Variants in ZBTB2 observed in about 807,000 individuals in gnomAD.
The protein encoded by ZBTB2 is zinc finger and BTB domain containing 2.
A neutral mutation model predicts 39.5 loss-of-function variants in ZBTB2; 2 were observed. The ratio of observed to expected loss-of-function variants is 0.05; its 90% CI spans 0.02 to 0.16. The LOEUF is 0.16. Ranked by LOEUF, ZBTB2 falls within the 10% of genes least tolerant of loss-of-function variation. The probability of loss-of-function intolerance (pLI) is 1.00; values close to 1 mark genes in which losing one functional copy is unlikely to be tolerated. For missense variants in ZBTB2, 391 were observed against 653.0 expected, an observed-to-expected ratio of 0.60 and a Z score of 4.37; for synonymous variants, 251 against 256.6, an observed-to-expected ratio of 0.98 and a Z score of 0.21.
intron 1 of ZBTB2, among the ~76,000 whole-genome samples, chr6:151,384,583 T>C (rs1023034341): frequency 2.3e-4 from 35 of 152,290 alleles, no homozygotes; most frequent in African/African-American, 8.2e-4. Flanking sequence ...GATGACTTCC[T>C]AGACTTCTTA....
intron 1 of ZBTB2, among the ~76,000 whole-genome samples, chr6:151,375,405 G>A (rs891814930): frequency 6.6e-6 from 1 of 152,132 alleles, no homozygotes; most frequent in Admixed American, 6.5e-5. Context: ...TTATGGACAG[G>A]AAGACTCAAC....
At chr6:151,384,102 C>G (rs1779101046) in intron 1 of ZBTB2, among the ~76,000 whole-genome samples, 2 of 152,252 alleles carry the variant, frequency 1.3e-5, no homozygotes, top group South Asian at 4.1e-4. Flanking sequence ...TTAACACCTG[C>G]TGTTTTGGAA....
intron 1 of ZBTB2, among the ~76,000 whole-genome samples, chr6:151,377,071 GC>G (rs2114867088): frequency 6.6e-6 from 1 of 150,458 alleles, no homozygotes; most frequent in South Asian, 2.1e-4. Context: ...AGTGAAAAAA[GC>G]CAATCCCAAA....
intron 1 of ZBTB2, among the ~76,000 whole-genome samples, chr6:151,377,733 ATGT>A (rs375024702): frequency 1.6e-3 from 238 of 151,578 alleles, no homozygotes; most frequent in African/African-American, 3.3e-3. Context: ...GGGTTTCACC[ATGT>A]TGTTAGCCAG....
chr6:151,384,482 T>C (rs943302724), intron 1 of ZBTB2, among the ~76,000 whole-genome samples: 6 of 152,038 alleles, frequency 3.9e-5, no homozygotes, highest in African/African-American at 9.7e-5. Flanking sequence ...ATGGAGGAAA[T>C]TGACAGGATT....
At chr6:151,379,150 A>G (rs1778979000) in intron 1 of ZBTB2, among the ~76,000 whole-genome samples, 1 of 152,242 alleles carries the variant, frequency 6.6e-6, no homozygotes, top group Admixed American at 6.5e-5. Context: ...AGATTTTTCT[A>G]TCCACCTCTA....
At chr6:151,382,708 ACCATG>A (rs1297825088) in intron 1 of ZBTB2, among the ~76,000 whole-genome samples, 1 of 151,528 alleles carries the variant, frequency 6.6e-6, no homozygotes, top group African/African-American at 2.4e-5. Context: ...GGCGCCTGCC[ACCATG>A]CCCAGCTAAT....
chr6:151,388,217 C>T (rs1334192885), intron 1 of ZBTB2, among the ~76,000 whole-genome samples: 1 of 152,070 alleles, frequency 6.6e-6, no homozygotes, highest in Non-Finnish European at 1.5e-5. Context: ...AAAAAATTAC[C>T]AGCAAACCAG....
chr6:151,389,254 C>T (rs977974196), intron 1 of ZBTB2, among the ~76,000 whole-genome samples: 1 of 152,002 alleles, frequency 6.6e-6, no homozygotes, highest in Admixed American at 6.6e-5. Flanking sequence ...AGATCCCTGC[C>T]TCTTACTAAA....
In ZBTB2 at chr6:151,366,375, G is replaced by A. The variant is rs1309350927; in HGVS notation, c.691C>T (p.Pro231Ser). 1.9e-6 allele frequency: 3 copies of A among 1,614,154 alleles called. No individual in the cohort carries two copies. The highest frequency in any genetic ancestry group is 2.2e-5 in the South Asian group (2 of 91,084). ...ACGTGGGCTATTGTGAGGGACGCAGGCTGCTCATCGGAGGAAGATGCTTCC... is the reference window on the plus strand; with the variant it reads ...ACGTGGGCTATTGTGAGGGACGCAGACTGCTCATCGGAGGAAGATGCTTCC... Reference protein sequence around the residue: ...NLEASSSDEQPASLTIAHVKP... With the variant: ...NLEASSSDEQSASLTIAHVKP... Residue 231 changes from proline (P) to serine (S), a missense_variant, in exon 3 of 3, where the codon CCT (proline) becomes TCT (serine). Pro to Ser is a moderately conservative substitution (Grantham distance 74). Around this residue, in one of 7 missense-constraint regions of ZBTB2, gnomAD observed 175 missense variants for 198.6 expected, o/e 0.88. Coordinates refer to ENST00000325144, the MANE Select transcript of ZBTB2 (RefSeq NM_020861.3). The surrounding 1 kb of genome is among the most constrained non-coding windows in gnomAD (Gnocchi z 7.1).
intron 1 of ZBTB2, among the ~76,000 whole-genome samples, chr6:151,390,071 G>A (rs895444983): frequency 2.6e-5 from 4 of 152,074 alleles, no homozygotes; most frequent in African/African-American, 9.7e-5. Flanking sequence ...GCAGCCGAAA[G>A]CACAGCGCGC....
chr6:151,377,804 G>C (rs1427068430), intron 1 of ZBTB2, among the ~76,000 whole-genome samples: 1 of 151,888 alleles, frequency 6.6e-6, no homozygotes, highest in African/African-American at 2.4e-5. Flanking sequence ...AAAGTGCTGG[G>C]ATTACGGACG....
At chr6:151,377,838 T>C (rs1778951954) in intron 1 of ZBTB2, among the ~76,000 whole-genome samples, 1 of 152,052 alleles carries the variant, frequency 6.6e-6, no homozygotes, top group South Asian at 2.1e-4. Context: ...CCGGGCAAGT[T>C]AAATTTTTAA....
chr6:151,368,548 C>T (rs1455772787), intron 2 of ZBTB2, among the ~76,000 whole-genome samples: 3 of 151,122 alleles, frequency 2.0e-5, no homozygotes, highest in Admixed American at 6.6e-5. Context: ...TCCATCCCCT[C>T]GTCCAAGTGA....
chr6:151,389,105 T>C (rs1779227254), intron 1 of ZBTB2, among the ~76,000 whole-genome samples: 1 of 152,154 alleles, frequency 6.6e-6, no homozygotes, highest in Non-Finnish European at 1.5e-5. Flanking sequence ...GTCCTATTAG[T>C]GGTAAATTAC....
At position 151,366,601 on chromosome 6, in the gene ZBTB2, G is replaced by C; in HGVS notation, c.465C>G (p.Leu155=). ...ATKIASAPEK[L]GRDPRPQTSR... ...AGGTCTGTGGCCGTGGATCTCGCCC[G>C]AGTTTTTCAGGTGCTGAAGCAATCT... Residue 155 remains leucine, a synonymous_variant, in exon 3 of 3, where the codon CTC becomes CTG. Coordinates refer to ENST00000325144, the MANE Select transcript of ZBTB2 (RefSeq NM_020861.3). This position sits in a 1 kb window ranked among gnomAD's most constrained non-coding sequence, Gnocchi z 7.1. 6.2e-7 allele frequency: 1 copy of C among 1,614,064 alleles called. No homozygotes were observed. The highest frequency in any genetic ancestry group is 2.2e-5 in the East Asian group (1 of 44,872).
At chr6:151,387,889 T>C (rs537980673) in intron 1 of ZBTB2, among the ~76,000 whole-genome samples, 134 of 152,342 alleles carry the variant, frequency 8.8e-4, no homozygotes, top group Non-Finnish European at 1.5e-3. Flanking sequence ...CTGTGGCTAC[T>C]GATTCCATAT....
chr6:151,368,902 G>A (rs1778715712), intron 2 of ZBTB2, among the ~76,000 whole-genome samples: 1 of 151,378 alleles, frequency 6.6e-6, no homozygotes, highest in Non-Finnish European at 1.5e-5. Context: ...TGGGATTACA[G>A]GTGCCCGCCA....
At chr6:151,374,258 C>T (rs374204814) in intron 1 of ZBTB2, among the ~76,000 whole-genome samples, 42 of 152,278 alleles carry the variant, frequency 2.8e-4, no homozygotes, top group South Asian at 1.2e-3. Context: ...CACCCCTGAC[C>T]CTTAACACTT....
Sources: allele counts gnomAD v4.1 joint callset (sites outside exome capture counted in the v4.1 genomes callset), GRCh38; gene constraint gnomAD v4.1.1; regional missense constraint gnomAD v4.1.1; non-coding constraint Gnocchi (gnomAD v3.1); transcripts MANE v1.5; gene names NCBI Gene and HGNC (gene_info 2026-07-23, HGNC 2026-07-21).